ATP7A: variants seen among roughly 807,000 people sequenced by gnomAD.
ATP7A encodes copper-transporting ATPase 1.
Under a neutral mutation model 83.5 loss-of-function variants are expected in ATP7A, and 7 were observed. The observed-to-expected ratio is 0.08, with a 90% CI of 0.05 to 0.16. The LOEUF is 0.16. ATP7A is among the 10% of genes least tolerant of loss of function. ATP7A has a pLI of 1.00. For missense variants in ATP7A, 940 were observed against 1,120.8 expected, an observed-to-expected ratio of 0.84 and a Z score of 2.30; for synonymous variants, 354 against 395.2, an observed-to-expected ratio of 0.90 and a Z score of 1.24.
chrX:77,911,858 C>T (rs1217169997), intron 1 of ATP7A, among the ~76,000 whole-genome samples: 2 of 111,935 alleles, frequency 1.8e-5, no homozygotes, highest in Non-Finnish European at 3.8e-5. Flanking sequence ...GCAAGAGGAT[C>T]GCTTGAACCT....
chrX:78,043,657 C>A, intron 21 of ATP7A, among the ~76,000 whole-genome samples: 1 of 93,808 alleles, frequency 1.1e-5, no homozygotes, highest in Middle Eastern at 5.5e-3. Flanking sequence ...TTCCCTCCAA[C>A]TTTTTTTTTT....
At chrX:77,919,580 T>TGCTCACTGCAG (rs1253325935) in intron 1 of ATP7A, among the ~76,000 whole-genome samples, 1 of 112,445 alleles carries the variant, frequency 8.9e-6, no homozygotes, top group African/African-American at 3.2e-5. Flanking sequence ...AGCCTCCGCC[T>TGCTCACTGCAG]CCCAGGCTCA....
At chrX:77,950,430 G>A (rs2077406677) in intron 1 of ATP7A, among the ~76,000 whole-genome samples, 1 of 111,832 alleles carries the variant, frequency 8.9e-6, no homozygotes, top group Non-Finnish European at 1.9e-5. Context: ...ACACTGTGAT[G>A]CACTAGAGTT....
intron 14 of ATP7A, 22 bp downstream of exon 14, chrX:78,021,101 G>A (rs2077903005): frequency 9.3e-6 from 11 of 1,184,859 alleles, no homozygotes; most frequent in East Asian, 3.0e-5. Context: ...GTAATAACTC[G>A]TTACTATATG....
chrX:77,928,750 T>G (rs1021897730), intron 1 of ATP7A, among the ~76,000 whole-genome samples: 1 of 112,263 alleles, frequency 8.9e-6, no homozygotes, highest in Non-Finnish European at 1.9e-5. Context: ...TCTTCAAAAT[T>G]GAGAAACAAC....
intron 1 of ATP7A, among the ~76,000 whole-genome samples, chrX:77,921,767 T>A (rs2077216912): frequency 1.8e-5 from 2 of 110,444 alleles, no homozygotes; most frequent in South Asian, 7.7e-4. Context: ...TTAGCCAGGC[T>A]TGGTGGTGGG....
chrX:77,954,167 T>G (rs1271301505), intron 1 of ATP7A, among the ~76,000 whole-genome samples: 1 of 111,399 alleles, frequency 9.0e-6, no homozygotes, highest in Non-Finnish European at 1.9e-5. Flanking sequence ...TGAGATGGAG[T>G]CTCACTCTGT....
At chrX:78,002,948 C>T in intron 5 of ATP7A, 125 bp from the exon 6 acceptor site, 5 of 728,719 alleles carry the variant, frequency 6.9e-6, no homozygotes, top group South Asian at 2.8e-5. Context: ...TAAATTTCTC[C>T]AGATTCAAAT....
At chrX:77,923,241 A>G (rs374112985) in intron 1 of ATP7A, 3 of 112,226 alleles carry the variant, frequency 2.7e-5, no homozygotes, top group African/African-American at 9.7e-5. Flanking sequence ...ATTTTCTGCT[A>G]TATTTTCATC....
At chrX:77,988,175 G>T (rs2077649394) in intron 2 of ATP7A, 67 bp from the exon 3 acceptor site, 2 of 1,090,948 alleles carry the variant, frequency 1.8e-6, no homozygotes, top group Admixed American at 2.7e-5. Flanking sequence ...GTGGTGTGAT[G>T]ATTATTATTT....
In ATP7A at chrX:78,043,317, A is replaced by G. The variant is rs146651049; in HGVS notation, c.4006A>G (p.Asn1336Asp). Residue 1336 changes from asparagine to aspartate, a missense_variant and splice_region_variant, in exon 21 of 23, where the codon AAT becomes GAT. Coordinates refer to ENST00000341514, the MANE Select transcript of ATP7A (RefSeq NM_000052.7). Reference sequence around the variant, plus strand: ...ATATCACAAATATTTCTGTTCTTAGAATGATCTTCTGGATGTAGTGGCAAG... The same window carrying G: ...ATATCACAAATATTTCTGTTCTTAGGATGATCTTCTGGATGTAGTGGCAAG... ...IEAADVVLIRNDLLDVVASID... is the reference protein window; with the variant it reads ...IEAADVVLIRDDLLDVVASID... The G allele has an allele frequency of 1.9e-4, 218 of 1,174,211 alleles. 1 individual carries two copies. In the African/African-American group the frequency reaches 2.9e-3, roughly 16 times the overall value.
chrX:77,947,874 G>A (rs2077390266), intron 1 of ATP7A, among the ~76,000 whole-genome samples: 1 of 105,886 alleles, frequency 9.4e-6, no homozygotes, highest in African/African-American at 3.5e-5. Flanking sequence ...TGAGTAGCTG[G>A]GATTACAGGT....
chrX:77,954,235 G>T (rs949113871), intron 1 of ATP7A, among the ~76,000 whole-genome samples: 24 of 111,851 alleles, frequency 2.1e-4, no homozygotes, highest in African/African-American at 7.5e-4. Flanking sequence ...TGCCTCCCGG[G>T]TTCAAGCGAT....
intron 6 of ATP7A, among the ~76,000 whole-genome samples, chrX:78,005,572 A>G (rs2149091432): frequency 9.4e-6 from 1 of 106,325 alleles, no homozygotes; most frequent in South Asian, 4.2e-4. Flanking sequence ...AATCCCAGAT[A>G]CTCGGGAAGC....
At chrX:78,009,503 C>A in intron 7 of ATP7A, 1 of 364,903 alleles carries the variant, frequency 2.7e-6, no homozygotes, top group Non-Finnish European at 4.8e-6. Context: ...CAAGTTAGAA[C>A]CACAAAACAC....
chrX:77,967,044 T>C (rs1429069522), intron 1 of ATP7A, among the ~76,000 whole-genome samples: 1 of 111,357 alleles, frequency 9.0e-6, no homozygotes, highest in African/African-American at 3.3e-5. Context: ...AGGATGATGG[T>C]TTCCAGCTTC....
At position 78,046,391 on chromosome X, in the gene ATP7A, G is replaced by A. The variant is rs782471311; in HGVS notation, c.4324G>A (p.Asp1442Asn). 1 of 1,211,471 alleles carries A rather than the reference G, an allele frequency of 8.3e-7. No homozygotes were observed. Residue 1442 changes from aspartate (D) to asparagine (N), a missense_variant, in exon 23 of 23, where the codon GAT becomes AAT. This residue lies in a region of ATP7A where 386 missense variants were observed against 502.2 expected (regional missense o/e 0.77). Coordinates refer to ENST00000341514, the MANE Select transcript of ATP7A (RefSeq NM_000052.7). Reference protein sequence around the residue: ...SEISVHVGIDDTSRNSPKLGL... With the variant: ...SEISVHVGIDNTSRNSPKLGL... ...AATCAGCGTTCATGTTGGAATAGAT[G>A]ATACCTCAAGGAATTCTCCTAAACT...
intron 1 of ATP7A, among the ~76,000 whole-genome samples, chrX:77,932,911 G>T (rs181260047): frequency 9.2e-6 from 1 of 109,015 alleles, no homozygotes; most frequent in African/African-American, 3.4e-5. Flanking sequence ...GAGGGAGAGG[G>T]GGACCGTGGG....
At chrX:77,943,441 A>C (rs187709882) in intron 1 of ATP7A, among the ~76,000 whole-genome samples, 86 of 111,552 alleles carry the variant, frequency 7.7e-4, no homozygotes, top group African/African-American at 1.6e-3. Context: ...GACCTGCTTA[A>C]TCTTGGGTTT....
Sources: gnomAD v4.1 joint callset for allele counts (sites outside exome capture counted in the v4.1 genomes callset) on GRCh38, gnomAD v4.1.1 for gene constraint, gnomAD v4.1.1 regional missense constraint, MANE v1.5 for transcripts, NCBI Gene and HGNC (gene_info 2026-07-23, HGNC 2026-07-21) for gene names.